TXNDC16: variants seen among roughly 807,000 people sequenced by gnomAD.
TXNDC16 encodes thioredoxin domain-containing protein 16.
In TXNDC16, 74 loss-of-function variants were observed where a neutral mutation model predicts 85.6. That is an observed-to-expected ratio of 0.86 (90% CI 0.72 to 1.05). The LOEUF is 1.05. Ranked by LOEUF, TXNDC16 falls within the 50% of genes least tolerant of loss-of-function variation. The probability of loss-of-function intolerance (pLI) is 0.00; values close to 1 mark genes in which losing one functional copy is unlikely to be tolerated. For missense variants in TXNDC16, 959 were observed against 947.0 expected, an observed-to-expected ratio of 1.01 and a Z score of -0.17; for synonymous variants, 335 against 326.5, an observed-to-expected ratio of 1.03 and a Z score of -0.28.
At chr14:52,551,210 C>T (rs1312433927) in intron 1 of TXNDC16, among the ~76,000 whole-genome samples, 2 of 152,046 alleles carry the variant, frequency 1.3e-5, no homozygotes, top group Non-Finnish European at 2.9e-5. Context: ...TTTAAAGTTC[C>T]CTGTGGAATA....
At chr14:52,480,851 A>T (rs145659036) in intron 14 of TXNDC16, among the ~76,000 whole-genome samples, 1 of 151,816 alleles carries the variant, frequency 6.6e-6, no homozygotes, top group African/African-American at 2.4e-5. Flanking sequence ...TGAAAAAGAT[A>T]CTTGCACACG....
At chr14:52,434,779 G>C (rs1347399857) in intron 20 of TXNDC16, among the ~76,000 whole-genome samples, 1 of 152,208 alleles carries the variant, frequency 6.6e-6, no homozygotes, top group Non-Finnish European at 1.5e-5. Context: ...AGCACAGAAG[G>C]CAGAATCCAA....
At chr14:52,491,269 C>A (rs2036398337) in intron 9 of TXNDC16, among the ~76,000 whole-genome samples, 1 of 151,656 alleles carries the variant, frequency 6.6e-6, no homozygotes, top group African/African-American at 2.4e-5. Context: ...GTAGCCTTAG[C>A]CTTCTGGGCT....
At chr14:52,462,474 C>T (rs567302528) in intron 16 of TXNDC16, among the ~76,000 whole-genome samples, 27 of 152,204 alleles carry the variant, frequency 1.8e-4, no homozygotes, top group Non-Finnish European at 3.5e-4. Context: ...GCCACCATGC[C>T]TGGCTAATTT....
intron 1 of TXNDC16, 121 bp downstream of exon 1, chr14:52,552,195 G>T (rs916235861): frequency 1.3e-5 from 2 of 152,294 alleles, no homozygotes; most frequent in African/African-American, 4.8e-5. Flanking sequence ...CCCAGAGACG[G>T]GTGTCTTAAG....
rs140093602 is a variant in TXNDC16 at position 52,509,864 on chromosome 14, C to T, written c.756+1376G>A. ...GTGTGGTGGCAGGTGCCTGTACTCC[C>T]AGCTACTCAGGAGGCCTGAGGCAGG... On this transcript the variant is annotated intron_variant, in intron 9 of 20. Coordinates refer to ENST00000281741, the MANE Select transcript of TXNDC16 (RefSeq NM_020784.3). 2.2e-3 allele frequency among the ~76,000 whole-genome samples: 339 copies of T among 152,006 alleles called. 1 individual carries two copies. Among genetic ancestry groups the T allele is most frequent in the African/African-American group, 7.9e-3 (328 of 41,478 alleles).
chr14:52,551,657 T>C (rs918137518), intron 1 of TXNDC16, among the ~76,000 whole-genome samples: 2 of 151,252 alleles, frequency 1.3e-5, no homozygotes, highest in Admixed American at 1.3e-4. Context: ...TATTTCCAAA[T>C]AGGAAAAAAA....
intron 6 of TXNDC16, among the ~76,000 whole-genome samples, chr14:52,519,723 G>A (rs1446136938): frequency 1.3e-5 from 2 of 152,134 alleles, no homozygotes; most frequent in Non-Finnish European, 2.9e-5. Flanking sequence ...CATTCCTCAT[G>A]TTTACAACAT....
chr14:52,496,544 A>G (rs2140161785), intron 9 of TXNDC16, among the ~76,000 whole-genome samples: 1 of 150,886 alleles, frequency 6.6e-6, no homozygotes, highest in East Asian at 1.9e-4. Context: ...CTCTTACCAT[A>G]CAAGTTGGTA....
chr14:52,497,448 G>C (rs564964117), intron 9 of TXNDC16, among the ~76,000 whole-genome samples: 1 of 152,176 alleles, frequency 6.6e-6, no homozygotes, highest in African/African-American at 2.4e-5. Context: ...ATTCAAAGAG[G>C]TGAGAATATT....
intron 14 of TXNDC16, among the ~76,000 whole-genome samples, chr14:52,473,706 T>G (rs1359361418): frequency 1.3e-5 from 2 of 152,222 alleles, no homozygotes; most frequent in African/African-American, 4.8e-5. Context: ...AATAGGTTCC[T>G]AACTTAAAAG....
chr14:52,539,100 A>G (rs2037770383), intron 4 of TXNDC16, among the ~76,000 whole-genome samples: 2 of 152,346 alleles, frequency 1.3e-5, no homozygotes, highest in Non-Finnish European at 2.9e-5. Flanking sequence ...GTAAGTTCCA[A>G]ATAAAAATAT....
chr14:52,457,026 T>TTATTTTTA, intron 17 of TXNDC16, 64 bp downstream of exon 17: 1 of 1,144,874 alleles, frequency 8.7e-7, no homozygotes, highest in Non-Finnish European at 1.3e-6. Context: ...ATATAAGCAA[T>TTATTTTTA]TATTAGATAA....
chr14:52,531,034 T>G (rs926753411), intron 6 of TXNDC16, among the ~76,000 whole-genome samples: 10 of 151,940 alleles, frequency 6.6e-5, no homozygotes, highest in African/African-American at 2.4e-4. Context: ...GACCTTGACC[T>G]CATCATAGAT....
intron 9 of TXNDC16, among the ~76,000 whole-genome samples, chr14:52,505,848 A>G (rs148510754): frequency 0.097 from 14,692 of 152,224 alleles, 819 homozygotes; most frequent in East Asian, 0.18. Flanking sequence ...AGAAGAAAAG[A>G]GAGAAGAATC....
chr14:52,455,894 G>A (rs188048131), intron 17 of TXNDC16, among the ~76,000 whole-genome samples: 111 of 152,230 alleles, frequency 7.3e-4, no homozygotes, highest in African/African-American at 2.6e-3. Context: ...CAGAATGAAA[G>A]TGGCCATTAT....
intron 20 of TXNDC16, among the ~76,000 whole-genome samples, chr14:52,433,825 G>C (rs1417388716): frequency 6.6e-6 from 1 of 152,130 alleles, no homozygotes; most frequent in East Asian, 1.9e-4. Flanking sequence ...ATAATGAACA[G>C]GTAAGAAGAA....
chr14:52,524,698 T>C (rs1158809703), intron 6 of TXNDC16, among the ~76,000 whole-genome samples: 2 of 152,072 alleles, frequency 1.3e-5, no homozygotes, highest in African/African-American at 2.4e-5. Flanking sequence ...TCTCATTGTA[T>C]TGCCCAGGCT....
intron 9 of TXNDC16, among the ~76,000 whole-genome samples, chr14:52,502,170 C>T (rs2036674014): frequency 6.6e-6 from 1 of 152,204 alleles, no homozygotes; most frequent in African/African-American, 2.4e-5. Flanking sequence ...TTTTATGCTA[C>T]TGGTCATTCC....
Sources: gnomAD v4.1 joint callset for allele counts (sites outside exome capture counted in the v4.1 genomes callset) on GRCh38, gnomAD v4.1.1 for gene constraint, MANE v1.5 for transcripts, NCBI Gene and HGNC (gene_info 2026-07-23, HGNC 2026-07-21) for gene names.